DNAH6: variants seen among roughly 807,000 people sequenced by gnomAD.
DNAH6 encodes the protein dynein axonemal heavy chain 6.
Under a neutral mutation model 491.4 loss-of-function variants are expected in DNAH6, and 340 were observed. The observed-to-expected ratio is 0.69, with a 90% CI of 0.63 to 0.76. The LOEUF (loss-of-function observed/expected upper bound fraction) is 0.76. DNAH6 is among the 30% of genes least tolerant of loss of function. The pLI is 0.00. For missense variants in DNAH6, 4,443 were observed against 4,972.2 expected (o/e 0.89, Z 3.20); for synonymous variants, 1,603 against 1,686.1 (o/e 0.95, Z 1.21).
chr2:84,727,849 C>T lies in DNAH6; in HGVS notation c.10153C>T (p.Leu3385=). Reference sequence around the variant, plus strand: ...TGAGATGATGCGTCAGCAAGGAACCCTATCTGATGCTGAATGGAATTTCTT... The same window carrying T: ...TGAGATGATGCGTCAGCAAGGAACCTTATCTGATGCTGAATGGAATTTCTT... The part of the protein sequence containing the change: ...CVEMMRQQGT[L]SDAEWNFFLR... Residue 3385 remains leucine (L), a synonymous_variant, in exon 61 of 77, where the codon CTA becomes TTA. Transcript: ENST00000389394. 6.4e-7 allele frequency: 1 copy of T among 1,552,146 alleles called. No individual in the cohort carries two copies. Among genetic ancestry groups the T allele is most frequent in the Non-Finnish European group, 8.7e-7 (1 of 1,147,038 alleles).
intron 64 of DNAH6, among the ~76,000 whole-genome samples, chr2:84,772,132 T>C (rs1239275748): frequency 1.3e-5 from 2 of 152,290 alleles, no homozygotes; most frequent in East Asian, 3.9e-4. Flanking sequence ...GCTGGTATTA[T>C]TTCAAATTTA....
intron 58 of DNAH6, 127 bp downstream of exon 58, chr2:84,715,754 A>C (rs1697468701): frequency 3.5e-6 from 3 of 857,490 alleles, no homozygotes; most frequent in Non-Finnish European, 3.6e-6. Flanking sequence ...CTTAATCAAA[A>C]AAAAATACAA....
rs977640434 is a variant in DNAH6, at chr2:84,817,838, G to A, written c.12374-1467G>A. 2.7e-4 allele frequency among the ~76,000 whole-genome samples: 41 copies of A among 151,886 alleles called. 1 individual carries two copies. The highest frequency in any genetic ancestry group is 2.6e-3 in the Admixed American group (40 of 15,266). ...GAAGTAGGCAAGATGGGAGGGAGGC[G>A]CCAGACTCTTTAACAAGCAGCTCTC... is the stretch of plus-strand genomic sequence containing the variant. On this transcript the variant is annotated intron_variant, in intron 76 of 76. Transcript: ENST00000389394.
At position 84,544,442 on chromosome 2, in the gene DNAH6, C is replaced by T. The variant is rs1199928712; in HGVS notation, c.872C>T (p.Ser291Phe). The T allele has an allele frequency of 1.3e-6, 2 of 1,536,090 alleles. No individual in the cohort carries two copies. The highest frequency in any genetic ancestry group is 2.4e-5 in the South Asian group (2 of 83,634). ...AGTGTATGGAGGAAGAATGTCCGCT[C>T]CAAGAAAATCACTGGATGTCAAAAA... ...AFSVWRKNVR[S>F]KKITGCQKSL... Residue 291 changes from serine to phenylalanine, a missense_variant, in exon 5 of 77, where the codon TCC becomes TTC. Physicochemically the swap from Ser to Phe is radical, Grantham distance 155. Transcript: ENST00000389394.
chr2:84,673,303 G>A (rs1692923946), intron 40 of DNAH6, among the ~76,000 whole-genome samples: 1 of 152,154 alleles, frequency 6.6e-6, no homozygotes, highest in Admixed American at 6.5e-5. Flanking sequence ...TCCTGTAAGT[G>A]CTGAGGAGCT....
At chr2:84,576,640 A>C (rs1682475207) in intron 12 of DNAH6, among the ~76,000 whole-genome samples, 1 of 152,150 alleles carries the variant, frequency 6.6e-6, no homozygotes, top group South Asian at 2.1e-4. Flanking sequence ...TGATAGTATG[A>C]TGAGAGTATA....
chr2:84,685,596 G>A, intron 43 of DNAH6, 124 bp downstream of exon 43: 1 of 474,210 alleles, frequency 2.1e-6, no homozygotes. Context: ...TTTCTTTGAT[G>A]GTTCAAATAT....
the DNAH6 span, among the ~76,000 whole-genome samples, chr2:84,496,201 C>T: frequency 6.6e-6 from 1 of 152,170 alleles, no homozygotes; most frequent in Non-Finnish European, 1.5e-5. Context: ...GCTCCTGATC[C>T]ATTTCATCCT....
intron 76 of DNAH6, 110 bp downstream of exon 76, chr2:84,816,193 G>T: frequency 1.2e-6 from 1 of 814,830 alleles, no homozygotes. Flanking sequence ...CAATAAACTA[G>T]ACTTAAAATG....
At chr2:84,658,221 A>G (rs781220318) in intron 35 of DNAH6, 71 bp from the exon 36 acceptor site, 188 of 1,104,660 alleles carry the variant, frequency 1.7e-4, no homozygotes, top group Admixed American at 2.7e-4. Flanking sequence ...TCCAGATTTT[A>G]ACCAACCTAA....
At chr2:84,781,179 G>A (rs894047091) in intron 64 of DNAH6, among the ~76,000 whole-genome samples, 37 of 152,180 alleles carry the variant, frequency 2.4e-4, no homozygotes, top group African/African-American at 8.9e-4. Flanking sequence ...AGAAGGAAGG[G>A]GAAATCATTG....
intron 33 of DNAH6, among the ~76,000 whole-genome samples, chr2:84,649,984 C>G (rs1690275827): frequency 6.6e-6 from 1 of 152,120 alleles, no homozygotes; most frequent in Non-Finnish European, 1.5e-5. Context: ...TGCATGGTCT[C>G]TGATGAGAAT....
At chr2:84,763,057 A>G in intron 64 of DNAH6, 112 bp downstream of exon 64, 2 of 755,402 alleles carry the variant, frequency 2.6e-6, no homozygotes, top group South Asian at 3.6e-5. Context: ...TTCAGGTATC[A>G]CTTACTACAT....
chr2:84,621,820 T>C (rs527925606), intron 26 of DNAH6, among the ~76,000 whole-genome samples: 68 of 152,306 alleles, frequency 4.5e-4, no homozygotes, highest in African/African-American at 1.5e-3. Flanking sequence ...TTATAATTGT[T>C]TGCAACTTTT....
intron 41 of DNAH6, among the ~76,000 whole-genome samples, chr2:84,677,744 T>G (rs1693388513): frequency 6.6e-6 from 1 of 152,110 alleles, no homozygotes; most frequent in Admixed American, 6.5e-5. Flanking sequence ...AGTAAGAGAA[T>G]ATGAAGCAGC....
chr2:84,741,992 C>G (rs558899621), intron 62 of DNAH6, among the ~76,000 whole-genome samples: 2 of 152,224 alleles, frequency 1.3e-5, no homozygotes, highest in South Asian at 4.1e-4. Flanking sequence ...TTCCTGGCTG[C>G]GCAAGCTAAC....
At chr2:84,473,477 T>C in the DNAH6 span, among the ~76,000 whole-genome samples, 147,021 of 152,296 alleles carry the variant, frequency 0.97, 71,009 homozygotes, top group East Asian at 1. Flanking sequence ...ACTGTAATGG[T>C]TGTATTGGAT....
intron 62 of DNAH6, among the ~76,000 whole-genome samples, chr2:84,737,679 AC>A (rs1489772946): frequency 6.6e-6 from 1 of 151,508 alleles, no homozygotes; most frequent in Non-Finnish European, 1.5e-5. Context: ...TTGTGATGTC[AC>A]TTTTGTTATT....
intron 33 of DNAH6, among the ~76,000 whole-genome samples, chr2:84,647,834 T>C (rs891331530): frequency 1.3e-5 from 2 of 152,236 alleles, no homozygotes; most frequent in Non-Finnish European, 2.9e-5. Flanking sequence ...TTAGTAGTGG[T>C]ATTTCTGCTT....
Sources: allele counts gnomAD v4.1 joint callset (sites outside exome capture counted in the v4.1 genomes callset), GRCh38; gene constraint gnomAD v4.1.1; transcripts MANE v1.5; gene names NCBI Gene and HGNC (gene_info 2026-07-23, HGNC 2026-07-21).